DLGAP1: variants seen among roughly 807,000 people sequenced by gnomAD.
The protein encoded by DLGAP1 is DLG associated protein 1, also known as disks large-associated protein 1.
A neutral mutation model predicts 90.8 loss-of-function variants in DLGAP1; 11 were observed. That is an observed-to-expected ratio of 0.12 (90% CI 0.08 to 0.20). The LOEUF is 0.20. DLGAP1 is among the 10% of genes least tolerant of loss of function. DLGAP1 has a pLI of 1.00. For synonymous variants in DLGAP1, 558 were observed against 540.7 expected (o/e 1.03, Z -0.44); for missense variants, 1,050 against 1,333.8 (o/e 0.79, Z 3.31).
rs75888255 is a variant in DLGAP1 at position 4,388,365 on chromosome 18, T to C, written c.-267+66641A>G. 6.7e-3 allele frequency among the ~76,000 whole-genome samples: 1,024 copies of C among 152,050 alleles called. 13 individuals carry two copies. The highest frequency in any genetic ancestry group is 0.024 in the African/African-American group (977 of 41,492). The stretch of plus-strand genomic sequence containing the variant: ...TGCACATGTGCCTGTGGCACATCCA[T>C]AGGGAAGTATGTAGGAGGTAGATGG... On this transcript the variant is annotated intron_variant, in intron 1 of 12. Transcript: ENST00000315677.
At chr18:3,959,078 C>G (rs1255787282) in intron 3 of DLGAP1, among the ~76,000 whole-genome samples, 1 of 152,182 alleles carries the variant, frequency 6.6e-6, no homozygotes, top group East Asian at 1.9e-4. Flanking sequence ...GAAATTTCAG[C>G]ACCACATTAT....
intron 8 of DLGAP1, among the ~76,000 whole-genome samples, chr18:3,573,466 C>T (rs2054928068): frequency 6.6e-6 from 1 of 152,126 alleles, no homozygotes; most frequent in Non-Finnish European, 1.5e-5. Context: ...CATACCACCG[C>T]ACTCCAGCCT....
intron 2 of DLGAP1, among the ~76,000 whole-genome samples, chr18:4,067,998 A>G (rs183669185): frequency 2.4e-4 from 37 of 152,238 alleles, no homozygotes; most frequent in Non-Finnish European, 4.3e-4. Flanking sequence ...AATATTTTAC[A>G]GAGTTTGACT....
chr18:3,818,198 T>C (rs1243073302), intron 4 of DLGAP1, among the ~76,000 whole-genome samples: 1 of 152,148 alleles, frequency 6.6e-6, no homozygotes, highest in Non-Finnish European at 1.5e-5. Flanking sequence ...AAATGAGGAT[T>C]AGTGTGCATT....
intron 3 of DLGAP1, among the ~76,000 whole-genome samples, chr18:3,986,898 G>T (rs2073854906): frequency 6.6e-6 from 1 of 152,036 alleles, no homozygotes; most frequent in African/African-American, 2.4e-5. Context: ...ACCCTTCAAT[G>T]GTGACACCCT....
chr18:4,296,484 T>A (rs1162774755), intron 1 of DLGAP1, among the ~76,000 whole-genome samples: 1 of 152,240 alleles, frequency 6.6e-6, no homozygotes, highest in Non-Finnish European at 1.5e-5. Context: ...CACAGTGTTA[T>A]ACCTGTATAA....
chr18:3,720,025 G>C (rs1401848182), intron 7 of DLGAP1, among the ~76,000 whole-genome samples: 2 of 152,184 alleles, frequency 1.3e-5, no homozygotes, highest in Non-Finnish European at 2.9e-5. Context: ...CTTCCGTCTT[G>C]ATTAGATCTG....
At chr18:4,056,229 C>G (rs1343853208) in intron 2 of DLGAP1, among the ~76,000 whole-genome samples, 2 of 152,080 alleles carry the variant, frequency 1.3e-5, no homozygotes, top group African/African-American at 4.8e-5. Context: ...GAATGAGGAT[C>G]CTCGTACTGC....
intron 2 of DLGAP1, among the ~76,000 whole-genome samples, chr18:4,094,509 AATTG>A (rs1308422678): frequency 3.3e-5 from 5 of 151,680 alleles, no homozygotes; most frequent in Admixed American, 1.3e-4. Context: ...TTTTCTGTAG[AATTG>A]ATTCTTTTCT....
Position 3,825,505 on chromosome 18 carries a change from T to A in DLGAP1, c.958-11232A>T, listed in dbSNP as rs2067662442. 2.0e-5 allele frequency among the ~76,000 whole-genome samples: 3 copies of A among 152,324 alleles called. No individual in the cohort carries two copies. The South Asian group carries it at 6.2e-4, about 32-fold the overall frequency. ...CCAAATACAATGCCTGCACATCACTTCATTTGTGTGGATTCAACATAGTAC... is the reference window on the plus strand; with the variant it reads ...CCAAATACAATGCCTGCACATCACTACATTTGTGTGGATTCAACATAGTAC... On this transcript the variant is annotated intron_variant, in intron 4 of 12. Coordinates refer to ENST00000315677, the MANE Select transcript of DLGAP1 (RefSeq NM_004746.4).
intron 4 of DLGAP1, among the ~76,000 whole-genome samples, chr18:3,821,251 C>T (rs1346362251): frequency 2.2e-5 from 3 of 138,758 alleles, no homozygotes; most frequent in African/African-American, 5.3e-5. Flanking sequence ...GATGGTGCCA[C>T]CACTCTCCAG....
At chr18:4,380,569 A>AT (rs2082093868) in intron 1 of DLGAP1, among the ~76,000 whole-genome samples, 2 of 152,178 alleles carry the variant, frequency 1.3e-5, no homozygotes, top group African/African-American at 4.8e-5. Flanking sequence ...CTCAAGAAGC[A>AT]TACCAAGCTG....
intron 1 of DLGAP1, among the ~76,000 whole-genome samples, chr18:4,270,270 C>A (rs2079246092): frequency 2.0e-5 from 3 of 152,144 alleles, no homozygotes; most frequent in East Asian, 3.9e-4. Flanking sequence ...TATTACCCTG[C>A]AGCTTATTTA....
intron 2 of DLGAP1, among the ~76,000 whole-genome samples, chr18:4,034,289 GC>G (rs1264845385): frequency 1.3e-5 from 2 of 151,812 alleles, no homozygotes; most frequent in Non-Finnish European, 2.9e-5. Context: ...TGATCCACCC[GC>G]CTTGGCCTCC....
At chr18:3,925,885 A>G (rs2072370971) in intron 3 of DLGAP1, among the ~76,000 whole-genome samples, 1 of 152,202 alleles carries the variant, frequency 6.6e-6, no homozygotes, top group Non-Finnish European at 1.5e-5. Flanking sequence ...GCCAAACAAA[A>G]CACAAAAATC....
intron 2 of DLGAP1, among the ~76,000 whole-genome samples, chr18:4,149,843 C>T (rs2076644941): frequency 6.6e-6 from 1 of 152,096 alleles, no homozygotes; most frequent in Admixed American, 6.5e-5. Flanking sequence ...AAACCGGTCC[C>T]TGGACCACTG....
chr18:4,007,335 C>T (rs142768022), intron 2 of DLGAP1, among the ~76,000 whole-genome samples: 114 of 152,108 alleles, frequency 7.5e-4, no homozygotes, highest in African/African-American at 2.6e-3. Context: ...CGTTTCCCCT[C>T]GTGCTGTTTT....
intron 3 of DLGAP1, among the ~76,000 whole-genome samples, chr18:3,976,592 C>T (rs999663351): frequency 2.6e-5 from 4 of 151,920 alleles, no homozygotes. Flanking sequence ...AAATCTATAC[C>T]TATGTCAAGA....
chr18:3,545,270 T>A (rs2052946954), intron 9 of DLGAP1, among the ~76,000 whole-genome samples: 1 of 148,746 alleles, frequency 6.7e-6, no homozygotes, highest in African/African-American at 2.5e-5. Flanking sequence ...CAAAACCCCG[T>A]CTCCAAAACA....
Sources: gnomAD v4.1 joint callset for allele counts (sites outside exome capture counted in the v4.1 genomes callset) on GRCh38, gnomAD v4.1.1 for gene constraint, MANE v1.5 for transcripts, NCBI Gene and HGNC (gene_info 2026-07-23, HGNC 2026-07-21) for gene names.